LRRC75A: variants seen among roughly 807,000 people sequenced by gnomAD.
The protein encoded by LRRC75A is leucine rich repeat containing 75A, also known as leucine-rich repeat-containing protein 75A.
LRRC75A carries 12 observed loss-of-function variants against 26.0 expected under a neutral mutation model. The ratio of observed to expected loss-of-function variants is 0.46; its 90% confidence interval spans 0.30 to 0.75. The LOEUF is 0.75. Ranked by LOEUF, LRRC75A falls within the 30% of genes least tolerant of loss-of-function variation. LRRC75A has a pLI of 0.08. For synonymous variants in LRRC75A, 223 were observed against 219.3 expected (o/e 1.02, Z -0.15); for missense variants, 410 against 486.6 (o/e 0.84, Z 1.48).
intron 2 of LRRC75A, among the ~76,000 whole-genome samples, chr17:16,453,312 GCACACACGCA>G (rs1275181111): frequency 1.6e-3 from 107 of 64,916 alleles, no homozygotes; most frequent in Middle Eastern, 0.01. Context: ...ACACACACAC[GCACACACGCA>G]CACACGCACA....
Position 16,453,320 on chromosome 17 carries a change from GCA to G in LRRC75A, c.376-5362_376-5361del, listed in dbSNP as rs1197458042. Among the ~76,000 whole-genome samples the G allele has an allele frequency of 5.7e-4, 61 of 107,504 alleles. 1 individual carries two copies. The highest frequency in any genetic ancestry group is 1.4e-3 in the South Asian group (5 of 3,580). 70.5% of individuals were successfully genotyped at this position (107,504 alleles called of 152,430 possible). A position where few individuals can be genotyped will look rare whatever the true frequency, so the allele number is the denominator to read the frequency against. ...TAAACACACACACACACGCACACACGCACACACGCACACGCACACACGCACAC... is the reference window on the plus strand; with the variant it reads ...TAAACACACACACACACGCACACACGCACACGCACACGCACACACGCACAC... On this transcript the variant is annotated intron_variant, in intron 2 of 3. Coordinates refer to ENST00000470794, the MANE Select transcript of LRRC75A (RefSeq NM_001113567.3).
At chr17:16,467,720 C>T (rs892221999) in intron 1 of LRRC75A, among the ~76,000 whole-genome samples, 4 of 152,164 alleles carry the variant, frequency 2.6e-5, no homozygotes, top group Admixed American at 2.0e-4. Flanking sequence ...TCGGCCCTGG[C>T]GCCTGTAGGG....
At chr17:16,452,539 A>G (rs2093641445) in intron 2 of LRRC75A, among the ~76,000 whole-genome samples, 1 of 151,752 alleles carries the variant, frequency 6.6e-6, no homozygotes, top group South Asian at 2.1e-4. Context: ...CCAGGTTCAA[A>G]CGATTCTCCT....
intron 1 of LRRC75A, among the ~76,000 whole-genome samples, chr17:16,488,438 C>G (rs11658401): frequency 0.25 from 37,808 of 152,188 alleles, 4,829 homozygotes; most frequent in Middle Eastern, 0.38. Context: ...TGGGGCCAGA[C>G]CCAAAGTGAG....
rs887217383 is a variant in LRRC75A, at chr17:16,476,933, T to C, written c.247-14547A>G. On this transcript the variant is annotated intron_variant, in intron 1 of 3. Coordinates refer to ENST00000470794, the MANE Select transcript of LRRC75A (RefSeq NM_001113567.3). ...TTTTGTATTTTTAGTAGAGACGGGG[T>C]TTCACCGTGTTAGCCAGGATGGTCT... is the stretch of plus-strand genomic sequence containing the variant. Among the ~76,000 whole-genome samples the C allele has an allele frequency of 9.2e-5, 14 of 151,548 alleles. No individual in the cohort carries two copies. The East Asian group carries it at 2.1e-3, about 23-fold the overall frequency.
In LRRC75A at chr17:16,441,754, CTA is replaced by C. The variant is rs1601041697; in HGVS notation, c.*1832_*1833del. 2 of 232,198 alleles carry C rather than the reference CTA, an allele frequency of 8.6e-6. No individual in the cohort carries two copies. The highest frequency in any genetic ancestry group is 1.1e-4 in the East Asian group (1 of 8,848). The allele number at this position is 232,198 out of a possible 1,614,324, so 14.4% of individuals were successfully genotyped here. On this transcript the variant is annotated 3_prime_UTR_variant, in exon 4 of 4. Transcript: ENST00000470794. ...TTTTTTTTTTGTTGAGACGGATTCT[CTA>C]TGTTGCCCAGGCTGGTCTCAGGCTC...
chr17:16,444,933 C>CT (rs2093568783), intron 3 of LRRC75A, among the ~76,000 whole-genome samples: 1 of 151,134 alleles, frequency 6.6e-6, no homozygotes, highest in Admixed American at 6.6e-5. Context: ...ACTGCACCCT[C>CT]TGCCTCCCGG....
rs549170135 is a variant in LRRC75A, at chr17:16,476,981, G to A, written c.247-14595C>T. 3.5e-3 allele frequency among the ~76,000 whole-genome samples: 524 copies of A among 150,874 alleles called. 2 individuals are homozygous for A. The highest frequency in any genetic ancestry group is 6.3e-3 in the Non-Finnish European group (425 of 67,690). On this transcript the variant is annotated intron_variant, in intron 1 of 3. Transcript: ENST00000470794. ...TCTCAATCTCCTGACCTTGTGATCC[G>A]CCCGCCTTGGCCTCCCAAAGTGCTG...
intron 1 of LRRC75A, among the ~76,000 whole-genome samples, chr17:16,483,867 C>T (rs1039442669): frequency 2.0e-5 from 3 of 152,216 alleles, no homozygotes; most frequent in Non-Finnish European, 4.4e-5. Context: ...TCCCCAGTTC[C>T]TAGACTGGTG....
intron 1 of LRRC75A, among the ~76,000 whole-genome samples, chr17:16,466,606 T>C (rs1017549977): frequency 4.8e-4 from 73 of 152,310 alleles, no homozygotes; most frequent in African/African-American, 1.5e-3. Flanking sequence ...CCTGAGTCAC[T>C]GCTGGTGGGG....
chr17:16,459,512 C>T lies in LRRC75A; in HGVS notation c.375+2746G>A, dbSNP rs143880710. On this transcript the variant is annotated intron_variant, in intron 2 of 3. Transcript: ENST00000470794. ...GAGGCCCACGTGCTAGAGCAGAGCT[C>T]GCAGGGTGGCAAGTGGGAGAGGGGA... 1.9e-4 allele frequency among the ~76,000 whole-genome samples: 29 copies of T among 152,234 alleles called. No individual in the cohort carries two copies. In the East Asian group the frequency reaches 4.3e-3, roughly 22 times the overall value.
chr17:16,465,352 G>T lies in LRRC75A; in HGVS notation c.247-2966C>A, dbSNP rs114484694. ...TCTGTGGCAAGAGACTTCCCTCTTGGGATTCATTTCCCTATCTGTGAAATG... is the reference window on the plus strand; with the variant it reads ...TCTGTGGCAAGAGACTTCCCTCTTGTGATTCATTTCCCTATCTGTGAAATG... On this transcript the variant is annotated intron_variant, in intron 1 of 3. Transcript: ENST00000470794. Among the ~76,000 whole-genome samples, 437 of 152,236 alleles carry T rather than the reference G, an allele frequency of 2.9e-3. 1 individual carries two copies. The highest frequency in any genetic ancestry group is 9.2e-3 in the African/African-American group (384 of 41,548).
In LRRC75A at chr17:16,476,761, C is replaced by T. The variant is rs1320641996; in HGVS notation, c.247-14375G>A. ...TTTTTTTTTTTTTTTTTTTTTGAGA[C>T]AGAGTCTTGCTCTATCACCCAGGCT... On this transcript the variant is annotated intron_variant, in intron 1 of 3. Transcript: ENST00000470794. 3.9e-5 allele frequency among the ~76,000 whole-genome samples: 4 copies of T among 101,992 alleles called. No individual in the cohort carries two copies. In the East Asian group the frequency reaches 1.3e-3, roughly 34 times the overall value. The allele number at this position is 101,992 out of a possible 152,430, so 66.9% of individuals were successfully genotyped here.
At chr17:16,466,968 A>ATTTAATT (rs779217305) in intron 1 of LRRC75A, among the ~76,000 whole-genome samples, 241 of 152,262 alleles carry the variant, frequency 1.6e-3, no homozygotes, top group Non-Finnish European at 3.0e-3. Context: ...TTTTCTTCAT[A>ATTTAATT]GATGTCAATT....
intron 1 of LRRC75A, among the ~76,000 whole-genome samples, chr17:16,487,148 C>T (rs550455400): frequency 6.6e-6 from 1 of 152,290 alleles, no homozygotes; most frequent in South Asian, 2.1e-4. Context: ...CTCTGAGCTT[C>T]GGCTGACATG....
At position 16,491,884 on chromosome 17, in the gene LRRC75A, C is replaced by CGCA; in HGVS notation, c.104_106dup (p.Leu35dup). On this transcript the variant is annotated inframe_insertion, in exon 1 of 4. Coordinates refer to ENST00000470794, the MANE Select transcript of LRRC75A (RefSeq NM_001113567.3). The surrounding 1 kb of genome is among the most constrained non-coding windows in gnomAD (Gnocchi z 5.9). ...CGCGCGCCCCGCCTTGTCCCCGGCG[C>CGCA]GCAGCAGCAGCGACGCCCAGAAGTC... The CGCA allele has an allele frequency of 7.4e-7, 1 of 1,359,252 alleles. No homozygotes were observed. The highest frequency in any genetic ancestry group is 1.6e-5 in the South Asian group (1 of 61,266). 84.2% of individuals were successfully genotyped at this position (1,359,252 alleles called of 1,614,324 possible).
At position 16,491,850 on chromosome 17, in the gene LRRC75A, C is replaced by T; in HGVS notation, c.141G>A (p.Gly47=). 1 of 1,396,934 alleles carries T rather than the reference C, an allele frequency of 7.2e-7. No homozygotes were observed. Among genetic ancestry groups the T allele is most frequent in the Non-Finnish European group, 9.3e-7 (1 of 1,071,444 alleles). 86.5% of individuals were successfully genotyped at this position (1,396,934 alleles called of 1,614,324 possible). ...AGDKAGRAGA[G]MPPYHRRVGM... is the part of the protein sequence containing the mutation. ...CGACTCGCCGGTGGTAGGGGGGCAT[C>T]CCCGCGCCCGCGCGCCCCGCCTTGT... Residue 47 remains glycine (G), a synonymous_variant, in exon 1 of 4, where the codon GGG becomes GGA. Transcript: ENST00000470794. The surrounding 1 kb of genome is among the most constrained non-coding windows in gnomAD (Gnocchi z 5.9).
At position 16,444,140 on chromosome 17, in the gene LRRC75A, A is replaced by G; in HGVS notation, c.492-9T>C. Reference sequence around the variant, plus strand: ...CCAGGACAGCCTTGAGGCTGAAGGGAAAAAGGACAAACAAGGCTCAGGCAC... The same window carrying G: ...CCAGGACAGCCTTGAGGCTGAAGGGGAAAAGGACAAACAAGGCTCAGGCAC... On this transcript the variant is annotated splice_polypyrimidine_tract_variant and intron_variant, in intron 3 of 3. Transcript: ENST00000470794. 1 of 1,571,424 alleles carries G rather than the reference A, an allele frequency of 6.4e-7. No homozygotes were observed. The highest frequency in any genetic ancestry group is 8.7e-7 in the Non-Finnish European group (1 of 1,154,798).
rs1373158612 is a variant in LRRC75A at position 16,491,308 on chromosome 17, C to T, written c.246+437G>A. ...CCAGGGCTGTGCCCCTGGACTCGCT[C>T]TCGGGAAGCCAAGCCAGGTCCAACT... On this transcript the variant is annotated intron_variant, in intron 1 of 3. Coordinates refer to ENST00000470794, the MANE Select transcript of LRRC75A (RefSeq NM_001113567.3). This position sits in a 1 kb window ranked among gnomAD's most constrained non-coding sequence, Gnocchi z 5.9. Among the ~76,000 whole-genome samples the T allele has an allele frequency of 1.3e-5, 2 of 152,226 alleles. No homozygotes were observed. Among genetic ancestry groups the T allele is most frequent in the Non-Finnish European group, 2.9e-5 (2 of 68,044 alleles).
Sources: allele counts gnomAD v4.1 joint callset (sites outside exome capture counted in the v4.1 genomes callset), GRCh38; gene constraint gnomAD v4.1.1; non-coding constraint Gnocchi (gnomAD v3.1); transcripts MANE v1.5; gene names NCBI Gene and HGNC (gene_info 2026-07-23, HGNC 2026-07-21).